The following THSD4 variants were observed in gnomAD, a reference collection of about 807,000 sequenced individuals.
THSD4 encodes thrombospondin type 1 domain containing 4, also known as thrombospondin type-1 domain-containing protein 4.
Under a neutral mutation model 119.0 loss-of-function variants are expected in THSD4, and 69 were observed. The observed-to-expected ratio is 0.58, with a 90% CI of 0.48 to 0.71. The LOEUF (loss-of-function observed/expected upper bound fraction) is 0.71, where lower values mean the gene tolerates loss of function less well. Ranked by LOEUF, THSD4 falls within the 30% of genes least tolerant of loss-of-function variation. The pLI is 0.00. For synonymous variants in THSD4, 524 were observed against 540.4 expected (o/e 0.97, Z 0.42); for missense variants, 1,393 against 1,391.1 (o/e 1.00, Z -0.02).
intron 7 of THSD4, among the ~76,000 whole-genome samples, chr15:71,498,364 G>T (rs2048059381): frequency 6.6e-6 from 1 of 152,344 alleles, no homozygotes; most frequent in East Asian, 1.9e-4. Flanking sequence ...TAAAGTGCCT[G>T]AAATGTGTTT....
intron 14 of THSD4, among the ~76,000 whole-genome samples, chr15:71,753,280 A>G (rs1056996276): frequency 6.6e-6 from 1 of 152,220 alleles, no homozygotes; most frequent in East Asian, 1.9e-4. Context: ...TCAGTTCTAC[A>G]AATCAATGAT....
At chr15:71,742,105 G>C (rs2053247173) in intron 11 of THSD4, among the ~76,000 whole-genome samples, 1 of 152,242 alleles carries the variant, frequency 6.6e-6, no homozygotes, top group Admixed American at 6.5e-5. Context: ...CACAGAATAA[G>C]TCTGTTCCCC....
chr15:71,266,476 A>C (rs538842471), intron 6 of THSD4, among the ~76,000 whole-genome samples: 1 of 152,272 alleles, frequency 6.6e-6, no homozygotes, highest in African/African-American at 2.4e-5. Flanking sequence ...TCAAAGAACA[A>C]AGGTAGATAA....
chr15:71,539,080 A>G (rs1168877984), intron 7 of THSD4, among the ~76,000 whole-genome samples: 1 of 152,244 alleles, frequency 6.6e-6, no homozygotes, highest in Non-Finnish European at 1.5e-5. Context: ...GTAAGGATGC[A>G]GTGACTTGCT....
chr15:71,659,119 G>A (rs2051247112), intron 7 of THSD4, among the ~76,000 whole-genome samples: 1 of 152,200 alleles, frequency 6.6e-6, no homozygotes, highest in Non-Finnish European at 1.5e-5. Context: ...ATTCAAGAAA[G>A]AGGACAAGCC....
At chr15:71,642,668 G>A (rs1451898374) in intron 7 of THSD4, among the ~76,000 whole-genome samples, 1 of 151,942 alleles carries the variant, frequency 6.6e-6, no homozygotes, top group Admixed American at 6.6e-5. Flanking sequence ...GATGAAGTTG[G>A]AAATCATCAT....
intron 3 of THSD4, among the ~76,000 whole-genome samples, chr15:71,190,253 A>C (rs1456553868): frequency 2.6e-5 from 4 of 152,234 alleles, no homozygotes; most frequent in African/African-American, 9.6e-5. Context: ...CGACACTTCC[A>C]AAATCAGTCA....
At chr15:71,470,915 G>C (rs1315357711) in intron 7 of THSD4, among the ~76,000 whole-genome samples, 1 of 152,154 alleles carries the variant, frequency 6.6e-6, no homozygotes, top group South Asian at 2.1e-4. Context: ...GATTACAGGC[G>C]TGAGCCACCG....
At chr15:71,730,893 GTCT>G (rs1438347424) in intron 9 of THSD4, 3 of 520,240 alleles carry the variant, frequency 5.8e-6, no homozygotes, top group African/African-American at 5.7e-5. Flanking sequence ...TCTTAGCTTA[GTCT>G]TCTTCTGATT....
intron 6 of THSD4, among the ~76,000 whole-genome samples, chr15:71,297,207 T>C (rs754702427): frequency 6.6e-6 from 1 of 152,194 alleles, no homozygotes; most frequent in Non-Finnish European, 1.5e-5. Context: ...TTGCATTTCT[T>C]GAATGGCTAA....
intron 7 of THSD4, among the ~76,000 whole-genome samples, chr15:71,426,369 G>C (rs1038064294): frequency 2.0e-3 from 119 of 58,138 alleles, no homozygotes; most frequent in African/African-American, 5.8e-3. Flanking sequence ...GTATAGCTGT[G>C]TGTGTGTGTG....
intron 6 of THSD4, among the ~76,000 whole-genome samples, chr15:71,291,350 C>T (rs1012338577): frequency 4.6e-5 from 7 of 152,214 alleles, no homozygotes; most frequent in Admixed American, 1.3e-4. Context: ...GGAACAGGCT[C>T]ACATAGTTAG....
At chr15:71,192,106 G>A (rs1567152279) in intron 3 of THSD4, among the ~76,000 whole-genome samples, 1 of 151,936 alleles carries the variant, frequency 6.6e-6, no homozygotes, top group Non-Finnish European at 1.5e-5. Flanking sequence ...GTTTCACCAT[G>A]TTGGACAGGC....
intron 7 of THSD4, among the ~76,000 whole-genome samples, chr15:71,596,445 C>T (rs1405754081): frequency 2.0e-5 from 3 of 152,202 alleles, no homozygotes; most frequent in African/African-American, 4.8e-5. Flanking sequence ...ATCAGTGCCT[C>T]ATCTTCCAGA....
At chr15:71,603,637 G>A (rs1386875826) in intron 7 of THSD4, among the ~76,000 whole-genome samples, 2 of 150,084 alleles carry the variant, frequency 1.3e-5, no homozygotes, top group East Asian at 2.0e-4. Context: ...GACTGGCTGA[G>A]CAAGCCGATG....
chr15:71,273,387 A>T (rs1245342856), intron 6 of THSD4, among the ~76,000 whole-genome samples: 1 of 152,162 alleles, frequency 6.6e-6, no homozygotes, highest in Non-Finnish European at 1.5e-5. Context: ...GAGGCTGAGG[A>T]GGGAGGGAGT....
chr15:71,463,951 G>A (rs1226359252), intron 7 of THSD4, among the ~76,000 whole-genome samples: 3 of 152,134 alleles, frequency 2.0e-5, no homozygotes, highest in Non-Finnish European at 4.4e-5. Flanking sequence ...CCATGCGAGT[G>A]CTTTTTGATG....
intron 7 of THSD4, among the ~76,000 whole-genome samples, chr15:71,474,772 G>T (rs1050108881): frequency 2.6e-5 from 4 of 152,074 alleles, no homozygotes; most frequent in Non-Finnish European, 1.5e-5. Context: ...TATTCCCTTG[G>T]CTCTCTCCTT....
intron 7 of THSD4, among the ~76,000 whole-genome samples, chr15:71,594,248 G>A (rs1199676882): frequency 1.3e-5 from 2 of 149,284 alleles, no homozygotes; most frequent in Non-Finnish European, 1.5e-5. Flanking sequence ...TGTCACTGTT[G>A]CCCAAGCTGG....
Sources: gnomAD v4.1 joint callset for allele counts (sites outside exome capture counted in the v4.1 genomes callset) on GRCh38, gnomAD v4.1.1 for gene constraint, MANE v1.5 for transcripts, NCBI Gene and HGNC (gene_info 2026-07-23, HGNC 2026-07-21) for gene names.